Variants in CARMIL1 observed in about 807,000 individuals in gnomAD.
The protein encoded by CARMIL1 is capping protein regulator and myosin 1 linker 1.
CARMIL1 carries 90 observed loss-of-function variants against 177.1 expected under a neutral mutation model. The ratio of observed to expected loss-of-function variants is 0.51; its 90% confidence interval spans 0.43 to 0.61. The LOEUF (loss-of-function observed/expected upper bound fraction) is 0.61. Ranked by LOEUF, CARMIL1 falls within the 20% of genes least tolerant of loss-of-function variation. The probability of loss-of-function intolerance (pLI) is 0.00; values close to 1 mark genes in which losing one functional copy is unlikely to be tolerated. For synonymous variants in CARMIL1, 577 were observed against 606.2 expected (o/e 0.95, Z 0.71); for missense variants, 1,380 against 1,667.0 (o/e 0.83, Z 3.00).
chr6:25,313,691 A>C lies in CARMIL1; in HGVS notation c.138+28782A>C, dbSNP rs117115513. On this transcript the variant is annotated intron_variant, in intron 2 of 36. Coordinates refer to ENST00000329474, the MANE Select transcript of CARMIL1 (RefSeq NM_017640.6). ...TTTACCCAGGGAAGGCTGTATATAT[A>C]CAGTTATTTGGGAGAAACCAGAAAT... 8.2e-4 allele frequency among the ~76,000 whole-genome samples: 123 copies of C among 149,682 alleles called. 8 individuals carry two copies. In the East Asian group the frequency reaches 0.023, roughly 28 times the overall value.
At chr6:25,370,947 C>T (rs1471442984) in intron 2 of CARMIL1, among the ~76,000 whole-genome samples, 1 of 150,952 alleles carries the variant, frequency 6.6e-6, no homozygotes, top group Non-Finnish European at 1.5e-5. Flanking sequence ...CACCAAAGTT[C>T]GCTAAATGAC....
chr6:25,612,844 G>T, intron 36 of CARMIL1: 1 of 985,354 alleles, frequency 1.0e-6, no homozygotes, highest in Non-Finnish European at 1.2e-6. Flanking sequence ...TGCAGAAGAG[G>T]AAGTGAATGC....
At position 25,551,071 on chromosome 6, in the gene CARMIL1, C is replaced by T. The variant is rs753436027; in HGVS notation, c.2490C>T (p.Ile830=). The T allele has an allele frequency of 1.2e-6, 2 of 1,612,444 alleles. No homozygotes were observed. Among genetic ancestry groups the T allele is most frequent in the Non-Finnish European group, 8.5e-7 (1 of 1,179,220 alleles). ...TGTTGGAGCAGTCTGGAATTGATAT[C>T]CTTAACAAAATTAGGTAGGTTTATA... The part of the protein sequence containing the change: ...NVLLEQSGID[I]LNKISEVKLT... The change falls in exon 27 of 37, where the codon ATC becomes ATT. Residue 830 remains isoleucine (I), a synonymous_variant. Coordinates refer to ENST00000329474, the MANE Select transcript of CARMIL1 (RefSeq NM_017640.6).
chr6:25,606,404 C>T, intron 35 of CARMIL1, 131 bp downstream of exon 35: 1 of 747,410 alleles, frequency 1.3e-6, no homozygotes, highest in Non-Finnish European at 2.1e-6. Flanking sequence ...GAGGGGATCA[C>T]AAGAAACCTA....
At chr6:25,286,012 C>G (rs1340095621) in intron 2 of CARMIL1, among the ~76,000 whole-genome samples, 1 of 152,112 alleles carries the variant, frequency 6.6e-6, no homozygotes, top group East Asian at 1.9e-4. Context: ...GCTGGGACTA[C>G]AGGTGTGAGC....
intron 2 of CARMIL1, among the ~76,000 whole-genome samples, chr6:25,328,641 G>A (rs1301993541): frequency 1.3e-5 from 2 of 152,080 alleles, no homozygotes; most frequent in African/African-American, 2.4e-5. Flanking sequence ...GCTTAGGAAC[G>A]TCATCTCTTT....
chr6:25,399,636 G>A (rs1793725293), intron 2 of CARMIL1, among the ~76,000 whole-genome samples: 2 of 152,190 alleles, frequency 1.3e-5, no homozygotes, highest in Non-Finnish European at 2.9e-5. Context: ...TGATGCTAAT[G>A]AATGTGGAGG....
At chr6:25,374,500 C>T (rs1790787717) in intron 2 of CARMIL1, among the ~76,000 whole-genome samples, 1 of 152,136 alleles carries the variant, frequency 6.6e-6, no homozygotes, top group Non-Finnish European at 1.5e-5. Context: ...GTATATTTTG[C>T]AGTTCTTGGG....
chr6:25,326,075 G>A lies in CARMIL1; in HGVS notation c.138+41166G>A, dbSNP rs933157944. ...AGTAGAGACGGAGTTTCACCGTGTT[G>A]GCCAGGATGGTGTCGATTTCCTGAC... On this transcript the variant is annotated intron_variant, in intron 2 of 36. Coordinates refer to ENST00000329474, the MANE Select transcript of CARMIL1 (RefSeq NM_017640.6). The surrounding 1 kb of genome is among the most constrained non-coding windows in gnomAD (Gnocchi z 4.2). Among the ~76,000 whole-genome samples the A allele has an allele frequency of 5.3e-5, 8 of 152,208 alleles. No homozygotes were observed. Among genetic ancestry groups the A allele is most frequent in the South Asian group, 2.1e-4 (1 of 4,818 alleles).
chr6:25,517,654 T>C (rs1806142587), intron 22 of CARMIL1, among the ~76,000 whole-genome samples: 2 of 152,128 alleles, frequency 1.3e-5, no homozygotes, highest in Non-Finnish European at 2.9e-5. Flanking sequence ...CACCACACTG[T>C]CGTGAGAATT....
At chr6:25,510,864 T>C (rs1157707023) in intron 20 of CARMIL1, 102 bp downstream of exon 20, 2 of 685,792 alleles carry the variant, frequency 2.9e-6, no homozygotes, top group Non-Finnish European at 4.9e-6. Context: ...GATAGTTTTA[T>C]CAACGTGTAC....
intron 2 of CARMIL1, among the ~76,000 whole-genome samples, chr6:25,323,087 T>C (rs1276138205): frequency 1.3e-5 from 2 of 152,126 alleles, no homozygotes; most frequent in Non-Finnish European, 2.9e-5. Flanking sequence ...TCCAGATTCA[T>C]TTGGAAGGTT....
rs1166687084 is a variant in CARMIL1 at position 25,502,675 on chromosome 6, A to C, written c.1395+2440A>C. Reference sequence around the variant, plus strand: ...TAAATATCGTGACTGCCAGCAGTCTAACATCTTTTATTCAGTTCTGTGATA... The same window carrying C: ...TAAATATCGTGACTGCCAGCAGTCTCACATCTTTTATTCAGTTCTGTGATA... On this transcript the variant is annotated intron_variant, in intron 17 of 36. Transcript: ENST00000329474. Among the ~76,000 whole-genome samples the C allele has an allele frequency of 3.3e-5, 5 of 152,306 alleles. No individual in the cohort carries two copies. The East Asian group carries it at 9.6e-4, about 29-fold the overall frequency.
intron 2 of CARMIL1, among the ~76,000 whole-genome samples, chr6:25,300,631 A>G (rs933788214): frequency 6.6e-6 from 1 of 152,274 alleles, no homozygotes; most frequent in Non-Finnish European, 1.5e-5. Context: ...CCTGGGTGAC[A>G]GAGTGAAACT....
At chr6:25,416,150 A>G (rs1367344515) in intron 2 of CARMIL1, among the ~76,000 whole-genome samples, 2 of 152,192 alleles carry the variant, frequency 1.3e-5, no homozygotes, top group Non-Finnish European at 2.9e-5. Flanking sequence ...GCAGACCAGT[A>G]GGGATTGGTC....
intron 2 of CARMIL1, among the ~76,000 whole-genome samples, chr6:25,338,368 T>C (rs572735930): frequency 1.2e-4 from 19 of 152,344 alleles, no homozygotes; most frequent in Non-Finnish European, 2.8e-4. Context: ...CCACTTGCTA[T>C]GAGAGTGTGC....
At chr6:25,436,235 C>T (rs1797221862) in intron 5 of CARMIL1, among the ~76,000 whole-genome samples, 1 of 152,002 alleles carries the variant, frequency 6.6e-6, no homozygotes, top group South Asian at 2.1e-4. Context: ...ATTAGATTGA[C>T]TGAGGTGAAA....
chr6:25,489,007 A>G (rs1469363979), intron 13 of CARMIL1, among the ~76,000 whole-genome samples: 1 of 152,060 alleles, frequency 6.6e-6, no homozygotes, highest in Non-Finnish European at 1.5e-5. Context: ...TCTACTAAAA[A>G]TACAAAAATT....
Position 25,523,369 on chromosome 6 carries a change from T to G in CARMIL1, c.1968+3032T>G, listed in dbSNP as rs549090428. ...TGGGTGTCTGGCACTATTTTAAATG[T>G]TTTACATAAATTAATACATGTAATC... On this transcript the variant is annotated intron_variant, in intron 23 of 36. Coordinates refer to ENST00000329474, the MANE Select transcript of CARMIL1 (RefSeq NM_017640.6). Among the ~76,000 whole-genome samples the G allele has an allele frequency of 9.9e-5, 15 of 152,270 alleles. 1 individual carries two copies. In the East Asian group the frequency reaches 2.9e-3, roughly 29 times the overall value.
Sources: allele counts gnomAD v4.1 joint callset (sites outside exome capture counted in the v4.1 genomes callset), GRCh38; gene constraint gnomAD v4.1.1; non-coding constraint Gnocchi (gnomAD v3.1); transcripts MANE v1.5; gene names NCBI Gene and HGNC (gene_info 2026-07-23, HGNC 2026-07-21).